The following RNASE9 variants were observed in gnomAD, a reference collection of about 807,000 sequenced individuals.
RNASE9 encodes inactive ribonuclease-like protein 9.
For missense variants in RNASE9, 263 were observed against 247.1 expected, an observed-to-expected ratio of 1.06 and a Z score of -0.43; for synonymous variants, 95 against 87.6, an observed-to-expected ratio of 1.08 and a Z score of -0.47.
exon 3 of RNASE9, chr14:20,558,604 T>C: frequency 1.9e-6 from 3 of 1,550,488 alleles, no homozygotes; most frequent in Non-Finnish European, 2.6e-6. Flanking sequence ...GTCAGAGAGC[T>C]CGGAACATAC....
chr14:20,556,957 T>G, exon 3 of RNASE9: 1 of 1,614,170 alleles, frequency 6.2e-7, no homozygotes, highest in South Asian at 1.1e-5. Context: ...TTTTTTATCT[T>G]CTTCTGGGAA....
exon 3 of RNASE9, chr14:20,557,409 A>C: frequency 2.2e-5 from 5 of 229,972 alleles, no homozygotes; most frequent in Non-Finnish European, 3.4e-5. Flanking sequence ...GGGAAGGAGA[A>C]AGGAAATCAA....
chr14:20,558,772 C>T (rs1302352531), intron 2 of RNASE9: 1 of 610,784 alleles, frequency 1.6e-6, no homozygotes, highest in African/African-American at 1.8e-5. Flanking sequence ...TTTTTTAAAT[C>T]TGCAACCTTC....
chr14:20,559,402 G>A (rs1325236330), intron 2 of RNASE9, among the ~76,000 whole-genome samples, 180 bp downstream of exon 2: 3 of 148,878 alleles, frequency 2.0e-5, no homozygotes, highest in Admixed American at 1.3e-4. Flanking sequence ...GTAAATGGAA[G>A]AAAGAGAGAC....
chr14:20,558,677 G>A (rs1883816880), intron 2 of RNASE9: 1 of 1,242,450 alleles, frequency 8.0e-7, no homozygotes, highest in Non-Finnish European at 1.2e-6. Flanking sequence ...CAGTACACGT[G>A]TGAAAAGCAG....
exon 3 of RNASE9, chr14:20,556,447 C>G: frequency 1.3e-6 from 2 of 1,591,742 alleles, no homozygotes; most frequent in South Asian, 2.2e-5. Flanking sequence ...TCAGAGAACG[C>G]TCTGCTAGGG....
chr14:20,556,704 T>A (rs1431637440), exon 3 of RNASE9: 1 of 1,613,844 alleles, frequency 6.2e-7, no homozygotes, highest in Non-Finnish European at 8.5e-7. Flanking sequence ...CATTCTTACA[T>A]GGCACAAATC....
At chr14:20,559,183 G>A (rs556910934) in intron 2 of RNASE9, among the ~76,000 whole-genome samples, 3 of 151,990 alleles carry the variant, frequency 2.0e-5, no homozygotes, top group South Asian at 4.2e-4. Flanking sequence ...GAACTCCGGG[G>A]TTCAAGGAAT....
chr14:20,556,668 T>C (rs1278024363), exon 3 of RNASE9: 2 of 1,613,042 alleles, frequency 1.2e-6, no homozygotes, highest in Non-Finnish European at 1.7e-6. Flanking sequence ...CTACAAGACC[T>C]TTGCTCCTGT....
rs1594460295 is a variant in RNASE9, at chr14:20,558,263, A to G, written c.-1194T>C. The G allele has an allele frequency of 3.8e-5, 21 of 548,806 alleles. No individual in the cohort carries two copies. In the South Asian group the frequency reaches 4.6e-4, roughly 12 times the overall value. 34.0% of individuals were successfully genotyped at this position (548,806 alleles called of 1,614,324 possible). A position where few individuals can be genotyped will look rare whatever the true frequency, so the allele number is the denominator to read the frequency against. ...AGTCATTACCTGGAGACCTTGATCTATCAGTGATGGAGATGGACAGCCTCC... is the reference window on the plus strand; with the variant it reads ...AGTCATTACCTGGAGACCTTGATCTGTCAGTGATGGAGATGGACAGCCTCC... On this transcript the variant is annotated 5_prime_UTR_variant, in exon 3 of 3. Transcript: ENST00000555230.
In RNASE9 at chr14:20,557,774, A is replaced by G. The variant is rs1313516962; in HGVS notation, c.-705T>C. 4 of 152,814 alleles carry G rather than the reference A, an allele frequency of 2.6e-5. No individual in the cohort carries two copies. The East Asian group carries it at 7.7e-4, about 29-fold the overall frequency. 9.5% of individuals were successfully genotyped at this position (152,814 alleles called of 1,614,324 possible). ...GCACTAGACTAAGCACTCTAAGTAC[A>G]TTATCACCATCATCCAAACAACCCT... On this transcript the variant is annotated 5_prime_UTR_variant, in exon 3 of 3. Transcript: ENST00000555230.
intron 1 of RNASE9, among the ~76,000 whole-genome samples, chr14:20,560,527 A>G (rs944367987): frequency 2.6e-5 from 4 of 152,122 alleles, no homozygotes; most frequent in African/African-American, 7.2e-5. Flanking sequence ...AAAGGGAAAA[A>G]AATTGAAATT....
At chr14:20,556,335 A>G in exon 3 of RNASE9, 1 of 747,514 alleles carries the variant, frequency 1.3e-6, no homozygotes, top group Non-Finnish European at 2.2e-6. Flanking sequence ...GAAAGGAAGA[A>G]AGGAAGGTGG....
exon 3 of RNASE9, chr14:20,558,381 A>T (rs1241482960): frequency 1.5e-6 from 1 of 684,162 alleles, no homozygotes; most frequent in Non-Finnish European, 2.7e-6. Context: ...GGAACACATC[A>T]GAAAGTAGAG....
exon 3 of RNASE9, chr14:20,557,863 TAA>T (rs1883770365): frequency 6.5e-6 from 1 of 152,832 alleles, no homozygotes; most frequent in South Asian, 2.1e-4. Context: ...AAAAGAAGTG[TAA>T]AGTTATTAAC....
intron 1 of RNASE9, among the ~76,000 whole-genome samples, chr14:20,560,147 ATTTAAG>A (rs891023688): frequency 1.3e-5 from 2 of 152,194 alleles, no homozygotes; most frequent in Non-Finnish European, 1.5e-5. Flanking sequence ...AAATTTTTAA[ATTTAAG>A]TTTAAGATTA....
exon 3 of RNASE9, chr14:20,556,768 T>C: frequency 1.2e-6 from 2 of 1,613,944 alleles, no homozygotes; most frequent in Non-Finnish European, 1.7e-6. Context: ...GAAGTAATGT[T>C]CTGCCACCCA....
At chr14:20,560,295 TA>T (rs1378473118) in intron 1 of RNASE9, 1 of 152,020 alleles carries the variant, frequency 6.6e-6, no homozygotes, top group Non-Finnish European at 1.5e-5. Flanking sequence ...AAGGAAAAAC[TA>T]AATTAAATCT....
chr14:20,557,563 T>A (rs2138857825), exon 3 of RNASE9: 1 of 153,782 alleles, frequency 6.5e-6, no homozygotes, highest in South Asian at 2.0e-4. Context: ...TCCACTTTGA[T>A]AAGAAAAATT....
Sources: allele counts gnomAD v4.1 joint callset (sites outside exome capture counted in the v4.1 genomes callset), GRCh38; gene constraint gnomAD v4.1.1; transcripts MANE v1.5; gene names NCBI Gene and HGNC (gene_info 2026-07-23, HGNC 2026-07-21).